Variants in UBAC2 observed in about 807,000 individuals in gnomAD.
UBAC2 encodes the protein UBA domain containing 2, also known as ubiquitin-associated domain-containing protein 2.
In UBAC2, 26 loss-of-function variants were observed where a neutral mutation model predicts 44.0. The ratio of observed to expected loss-of-function variants is 0.59; its 90% CI spans 0.43 to 0.82. UBAC2 has a LOEUF of 0.82. Among genes scored for constraint, UBAC2 ranks in the 40% least tolerant of loss-of-function variants. UBAC2 has a pLI of 0.00. For synonymous variants in UBAC2, 155 were observed against 154.3 expected, an observed-to-expected ratio of 1.00 and a Z score of -0.04; for missense variants, 329 against 419.4, an observed-to-expected ratio of 0.78 and a Z score of 1.88.
chr13:99,228,007 A>G (rs981457236), intron 1 of UBAC2, among the ~76,000 whole-genome samples: 7 of 152,208 alleles, frequency 4.6e-5, no homozygotes, highest in African/African-American at 1.4e-4. Context: ...CTTGAGACCA[A>G]GAATTTATGG....
At chr13:99,336,139 A>G (rs2044785962) in intron 6 of UBAC2, among the ~76,000 whole-genome samples, 1 of 152,194 alleles carries the variant, frequency 6.6e-6, no homozygotes, top group African/African-American at 2.4e-5. Context: ...TTTGTCAGCC[A>G]TTTGAGTTTT....
At chr13:99,254,801 A>G (rs1390177916) in intron 4 of UBAC2, 2 of 1,109,344 alleles carry the variant, frequency 1.8e-6, no homozygotes, top group Non-Finnish European at 2.6e-6. Context: ...TGATAGTATT[A>G]TACAGAATAT....
chr13:99,210,474 T>G (rs1160297139), intron 1 of UBAC2, among the ~76,000 whole-genome samples: 1 of 109,994 alleles, frequency 9.1e-6, no homozygotes, highest in African/African-American at 3.4e-5. Context: ...TTTCTTTTTC[T>G]TTTCTTTTTT....
intron 7 of UBAC2, among the ~76,000 whole-genome samples, chr13:99,343,808 G>C (rs902743633): frequency 6.6e-6 from 1 of 152,326 alleles, no homozygotes; most frequent in African/African-American, 2.4e-5. Context: ...GAACTCTTTT[G>C]TTAAACCACC....
chr13:99,232,399 G>GTAT (rs2043183150), intron 1 of UBAC2, among the ~76,000 whole-genome samples: 4 of 109,902 alleles, frequency 3.6e-5, no homozygotes, highest in Admixed American at 2.8e-4. Flanking sequence ...TTAGTTGAGA[G>GTAT]ATATAGATAT....
intron 8 of UBAC2, 65 bp downstream of exon 8, chr13:99,367,971 T>A: frequency 6.4e-7 from 1 of 1,564,808 alleles, no homozygotes; most frequent in Non-Finnish European, 8.7e-7. Context: ...GCAGTTTCGA[T>A]CAACAGGACT....
Position 99,340,385 on chromosome 13 carries a change from G to A in UBAC2, c.627G>A (p.Trp209Ter). 1 of 1,614,192 alleles carries A rather than the reference G, an allele frequency of 6.2e-7. No individual in the cohort carries two copies. ...QVHQVLCIPS[W>*]MAKFFSWTLE... ...ATCAGGTGCTCTGCATCCCCAGCTG[G>A]ATGGCAAAATTCTTTTCTTGGACAC... The change falls in exon 7 of 9, where the codon TGG (tryptophan) becomes TGA (stop). Residue 209 changes from tryptophan (W) to a stop codon, truncating the protein, a stop_gained. Coordinates refer to ENST00000403766, the MANE Select transcript of UBAC2 (RefSeq NM_001144072.2). LOFTEE classifies it high-confidence loss of function.
At chr13:99,347,176 T>A (rs1028950350) in intron 7 of UBAC2, among the ~76,000 whole-genome samples, 1 of 147,176 alleles carries the variant, frequency 6.8e-6, no homozygotes, top group Non-Finnish European at 1.5e-5. Context: ...AAGACCCATG[T>A]CTAGAGAGTG....
chr13:99,287,449 C>G (rs937659846), intron 4 of UBAC2, among the ~76,000 whole-genome samples: 3 of 151,566 alleles, frequency 2.0e-5, no homozygotes, highest in African/African-American at 7.3e-5. Flanking sequence ...AATTTTGAGA[C>G]AGGGTCTCAC....
At position 99,374,499 on chromosome 13, in the gene UBAC2, A is replaced by G. The variant is rs2045453525; in HGVS notation, c.927+6593A>G. ...TGTCTCTGAGATATCCATTAGCCCA[A>G]GTAGAGAGAATGGCTTTAAACCCAC... On this transcript the variant is annotated intron_variant, in intron 8 of 8. Transcript: ENST00000403766. Among the ~76,000 whole-genome samples, 4 of 152,198 alleles carry G rather than the reference A, an allele frequency of 2.6e-5. No individual in the cohort carries two copies. In the South Asian group the frequency reaches 8.3e-4, roughly 32 times the overall value.
At chr13:99,201,424 T>G in intron 1 of UBAC2, 1 of 1,613,032 alleles carries the variant, frequency 6.2e-7, no homozygotes, top group Non-Finnish European at 8.5e-7. Flanking sequence ...GTGTTTCTTC[T>G]TCAGTCTCCA....
intron 6 of UBAC2, among the ~76,000 whole-genome samples, chr13:99,321,317 T>A (rs932490871): frequency 2.0e-5 from 3 of 152,188 alleles, no homozygotes; most frequent in African/African-American, 7.2e-5. Flanking sequence ...TTAGGCTAGC[T>A]TTTTTGTTTT....
chr13:99,223,542 GTTTTT>G (rs145143990), intron 1 of UBAC2, among the ~76,000 whole-genome samples: 10,719 of 62,842 alleles, frequency 0.17, 519 homozygotes, highest in Middle Eastern at 0.34. Flanking sequence ...CTCTTTTTCT[GTTTTT>G]TTTTTTTTTT....
In UBAC2 at chr13:99,244,591, G is replaced by A. The variant is rs761773459; in HGVS notation, c.356G>A (p.Gly119Asp). 6.2e-7 allele frequency: 1 copy of A among 1,612,852 alleles called. No individual in the cohort carries two copies. The highest frequency in any genetic ancestry group is 8.5e-7 in the Non-Finnish European group (1 of 1,179,256). The part of the protein sequence containing the change: ...LLIEAMQYFF[G>D]ITAASNLPSG... Reference sequence around the variant, plus strand: ...ATTGAAGCTATGCAGTATTTCTTTGGCATCACTGCAGCTAGTAATTTGCCT... The same window carrying A: ...ATTGAAGCTATGCAGTATTTCTTTGACATCACTGCAGCTAGTAATTTGCCT... Residue 119 changes from glycine to aspartate, a missense_variant, in exon 4 of 9, where the codon GGC becomes GAC. Physicochemically the swap from Gly to Asp is moderately conservative, Grantham distance 94. Coordinates refer to ENST00000403766, the MANE Select transcript of UBAC2 (RefSeq NM_001144072.2).
chr13:99,368,021 C>A (rs2045354712), intron 8 of UBAC2, 115 bp downstream of exon 8: 2 of 1,271,232 alleles, frequency 1.6e-6, no homozygotes, highest in Non-Finnish European at 2.2e-6. Context: ...ATGGTGACAG[C>A]AGTCCATCTG....
intron 1 of UBAC2, among the ~76,000 whole-genome samples, chr13:99,211,312 G>A (rs1031785196): frequency 3.3e-5 from 5 of 152,238 alleles, no homozygotes; most frequent in Admixed American, 6.5e-5. Context: ...ATTTGCCTGC[G>A]TCCAAAGCCT....
chr13:99,362,813 G>A lies in UBAC2; in HGVS notation c.808-4974G>A, dbSNP rs1233629384. 3.3e-5 allele frequency among the ~76,000 whole-genome samples: 5 copies of A among 152,080 alleles called. 1 individual carries two copies. Among genetic ancestry groups the A allele is most frequent in the South Asian group, 4.1e-4 (2 of 4,830 alleles). On this transcript the variant is annotated intron_variant, in intron 7 of 8. Coordinates refer to ENST00000403766, the MANE Select transcript of UBAC2 (RefSeq NM_001144072.2). Reference sequence around the variant, plus strand: ...TTTGAGCATATAGCAGTTATATGTTGTAAACATTTTCTCTCAATCTGTAGT... The same window carrying A: ...TTTGAGCATATAGCAGTTATATGTTATAAACATTTTCTCTCAATCTGTAGT...
chr13:99,313,768 T>C (rs1028481235), intron 4 of UBAC2, among the ~76,000 whole-genome samples: 3 of 152,200 alleles, frequency 2.0e-5, no homozygotes, highest in Non-Finnish European at 2.9e-5. Context: ...GTTTGCTGCT[T>C]TCGATTTGTC....
chr13:99,238,092 C>T (rs750255236), intron 1 of UBAC2, among the ~76,000 whole-genome samples: 28 of 152,174 alleles, frequency 1.8e-4, no homozygotes, highest in Non-Finnish European at 3.5e-4. Flanking sequence ...AGCTAACTGG[C>T]TGATTTGATA....
Sources: gnomAD v4.1 joint callset for allele counts (sites outside exome capture counted in the v4.1 genomes callset) on GRCh38, gnomAD v4.1.1 for gene constraint, MANE v1.5 for transcripts, NCBI Gene and HGNC (gene_info 2026-07-23, HGNC 2026-07-21) for gene names.